Variants in PKN2 observed in about 807,000 individuals in gnomAD.
PKN2 encodes serine/threonine-protein kinase N2.
In PKN2, 38 loss-of-function variants were observed where a neutral mutation model predicts 119.1. The ratio of observed to expected loss-of-function variants is 0.32; its 90% CI spans 0.25 to 0.42. The LOEUF (loss-of-function observed/expected upper bound fraction) is 0.42, where lower values mean the gene tolerates loss of function less well. Among genes scored for constraint, PKN2 ranks in the 10% least tolerant of loss-of-function variants. The pLI is 1.00. For synonymous variants in PKN2, 390 were observed against 384.9 expected (o/e 1.01, Z -0.15); for missense variants, 850 against 1,165.1 (o/e 0.73, Z 3.94).
intron 6 of PKN2, among the ~76,000 whole-genome samples, chr1:88,778,718 CTT>C (rs773253937): frequency 6.9e-6 from 1 of 145,390 alleles, no homozygotes. Context: ...CAAAGATTTT[CTT>C]TTTTTTTTTT....
At chr1:88,686,412 A>G (rs1052047023) in intron 1 of PKN2, among the ~76,000 whole-genome samples, 4 of 152,116 alleles carry the variant, frequency 2.6e-5, no homozygotes, top group Non-Finnish European at 4.4e-5. Flanking sequence ...CTTTTAATTA[A>G]TAAGATCAAT....
chr1:88,822,344 A>G (rs757274963), intron 17 of PKN2, among the ~76,000 whole-genome samples: 43 of 152,212 alleles, frequency 2.8e-4, no homozygotes, highest in African/African-American at 9.9e-4. Flanking sequence ...AAACGTGTCC[A>G]TGATGAGACA....
intron 8 of PKN2, among the ~76,000 whole-genome samples, chr1:88,800,291 T>G (rs960196143): frequency 2.6e-5 from 4 of 152,180 alleles, no homozygotes; most frequent in Non-Finnish European, 5.9e-5. Flanking sequence ...AAACAGGAGT[T>G]TTTGAAAAAT....
intron 8 of PKN2, among the ~76,000 whole-genome samples, chr1:88,801,401 A>G (rs1671303170): frequency 1.3e-5 from 2 of 152,138 alleles, no homozygotes; most frequent in Admixed American, 6.6e-5. Flanking sequence ...ACAAAAAATA[A>G]TAAAAAATAA....
At chr1:88,760,822 T>C (rs1315183649) in intron 3 of PKN2, among the ~76,000 whole-genome samples, 6 of 152,188 alleles carry the variant, frequency 3.9e-5, no homozygotes, top group Non-Finnish European at 7.3e-5. Flanking sequence ...AAAAATTGTT[T>C]ATTCCTACCA....
chr1:88,755,944 C>T (rs1347842372), intron 2 of PKN2, among the ~76,000 whole-genome samples: 6 of 148,460 alleles, frequency 4.0e-5, no homozygotes, highest in Admixed American at 6.7e-5. Context: ...GATGGAGTCT[C>T]GCTCTGTCAC....
chr1:88,712,721 G>T (rs1159962800), intron 1 of PKN2, among the ~76,000 whole-genome samples: 1 of 152,108 alleles, frequency 6.6e-6, no homozygotes. Context: ...GAAGATTCCA[G>T]TTGACTATTA....
intron 6 of PKN2, chr1:88,781,273 T>A: frequency 2.1e-6 from 1 of 487,040 alleles, no homozygotes; most frequent in South Asian, 2.4e-5. Flanking sequence ...TTTGCCAGTT[T>A]GTTGCTACTT....
intron 19 of PKN2, among the ~76,000 whole-genome samples, chr1:88,831,413 TCTGA>T (rs1241249019): frequency 5.9e-5 from 9 of 151,938 alleles, no homozygotes; most frequent in Non-Finnish European, 8.8e-5. Context: ...AAAATTTTCT[TCTGA>T]CTTACTGTTT....
intron 2 of PKN2, among the ~76,000 whole-genome samples, chr1:88,756,627 A>G (rs1051326626): frequency 2.6e-5 from 4 of 152,218 alleles, no homozygotes; most frequent in African/African-American, 9.6e-5. Context: ...CTATCTTTAT[A>G]TACCAAATTC....
chr1:88,753,270 A>G (rs530400287), intron 2 of PKN2, among the ~76,000 whole-genome samples: 1 of 152,276 alleles, frequency 6.6e-6, no homozygotes, highest in African/African-American at 2.4e-5. Flanking sequence ...AAATCACTGA[A>G]ATCTAAGCCA....
intron 2 of PKN2, among the ~76,000 whole-genome samples, chr1:88,743,610 T>G (rs1402161603): frequency 2.6e-5 from 4 of 152,232 alleles, no homozygotes; most frequent in Non-Finnish European, 5.9e-5. Flanking sequence ...GTACATGTTA[T>G]ATCACTAAAC....
At chr1:88,699,871 C>G (rs1054267371) in intron 1 of PKN2, among the ~76,000 whole-genome samples, 1 of 152,000 alleles carries the variant, frequency 6.6e-6, no homozygotes, top group Non-Finnish European at 1.5e-5. Context: ...CAACCTCTGC[C>G]TCCTGGGTTC....
At chr1:88,812,762 T>C (rs1570669597) in intron 15 of PKN2, among the ~76,000 whole-genome samples, 3 of 152,180 alleles carry the variant, frequency 2.0e-5, no homozygotes. Flanking sequence ...CTATAGACAA[T>C]GAAGAGAACA....
intron 2 of PKN2, among the ~76,000 whole-genome samples, chr1:88,748,596 C>T (rs989747533): frequency 6.6e-5 from 10 of 152,052 alleles, no homozygotes; most frequent in African/African-American, 2.4e-4. Context: ...TTGGTAAATA[C>T]TGAAGAGTAG....
At chr1:88,704,495 T>C (rs778942168) in intron 1 of PKN2, among the ~76,000 whole-genome samples, 19 of 152,232 alleles carry the variant, frequency 1.2e-4, no homozygotes, top group Non-Finnish European at 2.4e-4. Flanking sequence ...ATTATTCTTG[T>C]GTAAATTGCC....
At chr1:88,803,186 A>T (rs1671396958) in intron 8 of PKN2, among the ~76,000 whole-genome samples, 1 of 152,188 alleles carries the variant, frequency 6.6e-6, no homozygotes. Flanking sequence ...TCACTGCCAT[A>T]GACGTATTTT....
chr1:88,770,828 G>A (rs1183135504), intron 4 of PKN2, among the ~76,000 whole-genome samples: 4 of 149,768 alleles, frequency 2.7e-5, no homozygotes, highest in Non-Finnish European at 5.9e-5. Context: ...CTCGTGATCC[G>A]CCCGCCTCGG....
intron 18 of PKN2, among the ~76,000 whole-genome samples, chr1:88,826,453 T>G (rs1255776342): frequency 6.6e-6 from 1 of 152,088 alleles, no homozygotes; most frequent in Non-Finnish European, 1.5e-5. Context: ...TATATAAATT[T>G]ATAGGGTAGA....
Sources: allele counts gnomAD v4.1 joint callset (sites outside exome capture counted in the v4.1 genomes callset), GRCh38; gene constraint gnomAD v4.1.1; transcripts MANE v1.5; gene names NCBI Gene and HGNC (gene_info 2026-07-23, HGNC 2026-07-21).